The following B4GALNT2 variants were observed in gnomAD, a reference collection of about 807,000 sequenced individuals.
The protein encoded by B4GALNT2 is N-acetylneuraminylgalactosylglucosyl-glucoside beta-1,4-N- acetylgalactosaminyltransferase 2.
In B4GALNT2, 42 loss-of-function variants were observed where a neutral mutation model predicts 51.1. That is an observed-to-expected ratio of 0.82 (90% CI 0.64 to 1.06). The LOEUF (loss-of-function observed/expected upper bound fraction) is 1.06. B4GALNT2 is among the 50% of genes least tolerant of loss of function. The pLI, the probability that B4GALNT2 is intolerant of heterozygous loss-of-function variation, is 0.00. For synonymous variants in B4GALNT2, 253 were observed against 251.7 expected (o/e 1.01, Z -0.05); for missense variants, 602 against 633.6 (o/e 0.95, Z 0.54).
At chr17:49,150,333 G>C (rs969536258) in intron 3 of B4GALNT2, among the ~76,000 whole-genome samples, 2 of 151,538 alleles carry the variant, frequency 1.3e-5, no homozygotes, top group Non-Finnish European at 2.9e-5. Flanking sequence ...CAGCAGCCCC[G>C]TCCGGGAGGT....
rs1282054965 is a variant in B4GALNT2 at position 49,170,707 on chromosome 17, C to G, written c.*979C>G. On this transcript the variant is annotated 3_prime_UTR_variant, in exon 11 of 11. Coordinates refer to ENST00000393354, the MANE Select transcript of B4GALNT2 (RefSeq NM_001159387.2). ...TGGTGCTAGAGGAATTAAAGACACACACATAGAAATATAGAGTGTGGAGTG... is the reference window on the plus strand; with the variant it reads ...TGGTGCTAGAGGAATTAAAGACACAGACATAGAAATATAGAGTGTGGAGTG... 1.3e-5 allele frequency: 2 copies of G among 152,218 alleles called. No homozygotes were observed. Among genetic ancestry groups the G allele is most frequent in the African/African-American group, 4.8e-5 (2 of 41,450 alleles). 9.4% of individuals were successfully genotyped at this position (152,218 alleles called of 1,614,324 possible).
intron 9 of B4GALNT2, among the ~76,000 whole-genome samples, chr17:49,166,813 C>T (rs1267085159): frequency 6.6e-6 from 1 of 151,810 alleles, no homozygotes; most frequent in Non-Finnish European, 1.5e-5. Context: ...TAAAGAAATA[C>T]AAAAAATTAG....
chr17:49,156,660 C>A, intron 5 of B4GALNT2, 57 bp downstream of exon 5: 1 of 1,577,208 alleles, frequency 6.3e-7, no homozygotes, highest in Non-Finnish European at 8.7e-7. Context: ...ATTCCCTCAA[C>A]TGTGGCTGCT....
rs748550373 is a variant in B4GALNT2 at position 49,142,044 on chromosome 17, G to T, written c.225G>T (p.Pro75=). ...CTCTTGCTTGTTTCAGGCTGTTCCCGAAAAATCAGTGCAAATGTGAAGCCA... is the reference window on the plus strand; with the variant it reads ...CTCTTGCTTGTTTCAGGCTGTTCCCTAAAAATCAGTGCAAATGTGAAGCCA... ...LFSYDGIWLF[P]KNQCKCEANK... is the part of the protein sequence containing the mutation. Residue 75 remains proline (P), a synonymous_variant, in exon 3 of 11, where the codon CCG becomes CCT. Coordinates refer to ENST00000393354, the MANE Select transcript of B4GALNT2 (RefSeq NM_001159387.2). 1.9e-6 allele frequency: 3 copies of T among 1,613,906 alleles called. No homozygotes were observed. The highest frequency in any genetic ancestry group is 2.7e-5 in the African/African-American group (2 of 74,890).
chr17:49,126,381 C>G, the B4GALNT2 span, among the ~76,000 whole-genome samples: 1 of 151,952 alleles, frequency 6.6e-6, no homozygotes, highest in African/African-American at 2.4e-5. Context: ...GCAGGGTGCT[C>G]TGCCTAGGAA....
In B4GALNT2 at chr17:49,169,605, G is replaced by C; in HGVS notation, c.1398G>C (p.Val466=). 6.2e-7 allele frequency: 1 copy of C among 1,613,300 alleles called. No individual in the cohort carries two copies. The highest frequency in any genetic ancestry group is 8.5e-7 in the Non-Finnish European group (1 of 1,179,984). The change falls in exon 11 of 11, where the codon GTG becomes GTC. Residue 466 remains valine, a synonymous_variant. Coordinates refer to ENST00000393354, the MANE Select transcript of B4GALNT2 (RefSeq NM_001159387.2). ...VIIGHQSRSP[V]VDSELAALEK... ...TAGGTCACCAGTCTCGGTCTCCAGT[G>C]GTGGACTCAGAACTGGCTGCCCTAG...
intron 4 of B4GALNT2, among the ~76,000 whole-genome samples, chr17:49,153,872 T>C (rs2042782865): frequency 2.0e-5 from 3 of 152,028 alleles, no homozygotes; most frequent in Admixed American, 6.6e-5. Flanking sequence ...TTAGTAGCCA[T>C]GACCTCCTGG....
upstream of B4GALNT2, among the ~76,000 whole-genome samples, chr17:49,131,494 G>A (rs1487365767): frequency 2.3e-5 from 3 of 133,248 alleles, no homozygotes; most frequent in Non-Finnish European, 4.8e-5. Flanking sequence ...AAAAGCACTG[G>A]CCATTTTTCT....
At chr17:49,137,454 C>G (rs2042601177) in intron 1 of B4GALNT2, among the ~76,000 whole-genome samples, 1 of 152,134 alleles carries the variant, frequency 6.6e-6, no homozygotes, top group Non-Finnish European at 1.5e-5. Flanking sequence ...CACCTTCCAC[C>G]ATGGGATGAT....
intron 9 of B4GALNT2, 88 bp downstream of exon 9, chr17:49,166,342 A>G: frequency 6.4e-6 from 1 of 156,590 alleles, no homozygotes; most frequent in South Asian, 1.5e-4. Context: ...ATATAAGAGA[A>G]GAGGAGGGGG....
chr17:49,144,018 G>A (rs1478393910), intron 3 of B4GALNT2, among the ~76,000 whole-genome samples: 1 of 152,144 alleles, frequency 6.6e-6, no homozygotes, highest in African/African-American at 2.4e-5. Context: ...CTGTGGTGGT[G>A]AGTGCCTGTA....
At chr17:49,164,427 C>A in intron 8 of B4GALNT2, 152 bp downstream of exon 8, 1 of 626,814 alleles carries the variant, frequency 1.6e-6, no homozygotes, top group East Asian at 2.7e-5. Context: ...CTCTGAGTCC[C>A]ATTGCTGATT....
At chr17:49,152,150 G>A (rs1287849351) in intron 3 of B4GALNT2, among the ~76,000 whole-genome samples, 1 of 152,160 alleles carries the variant, frequency 6.6e-6, no homozygotes, top group Admixed American at 6.5e-5. Context: ...GCTGAGGCAG[G>A]AGGATTGCTT....
intron 8 of B4GALNT2, 108 bp from the exon 9 acceptor site, chr17:49,166,006 A>G: frequency 2.4e-6 from 3 of 1,273,846 alleles, no homozygotes; most frequent in Non-Finnish European, 3.2e-6. Flanking sequence ...TTCTAATGGA[A>G]TTTGTCTGGA....
chr17:49,168,970 G>A, intron 10 of B4GALNT2, 70 bp downstream of exon 10: 17 of 1,475,974 alleles, frequency 1.2e-5, no homozygotes, highest in Non-Finnish European at 1.6e-5. Flanking sequence ...TTCTTTCCAA[G>A]GGCTGTACCC....
chr17:49,133,913 A>AAAAC (rs759093006), intron 1 of B4GALNT2, among the ~76,000 whole-genome samples: 12 of 151,614 alleles, frequency 7.9e-5, no homozygotes, highest in Middle Eastern at 3.4e-3. Flanking sequence ...CTCTGTCTCA[A>AAAAC]AAACAAACAA....
chr17:49,152,075 TA>T (rs1395508316), intron 3 of B4GALNT2, among the ~76,000 whole-genome samples: 3 of 151,860 alleles, frequency 2.0e-5, no homozygotes, highest in Admixed American at 1.3e-4. Flanking sequence ...TGGTTTTTTT[TA>T]AAAAAAATAT....
the B4GALNT2 span, among the ~76,000 whole-genome samples, chr17:49,125,719 C>A: frequency 0.45 from 48,814 of 109,590 alleles, 10,951 homozygotes; most frequent in Middle Eastern, 0.59. Context: ...CGGCCCCCGC[C>A]GGGCCGGCCG....
chr17:49,121,705 G>T, the B4GALNT2 span, among the ~76,000 whole-genome samples: 1 of 152,146 alleles, frequency 6.6e-6, no homozygotes, highest in Non-Finnish European at 1.5e-5. Flanking sequence ...TGTAACAGTA[G>T]TAAAATGGAC....
Sources: allele counts gnomAD v4.1 joint callset (sites outside exome capture counted in the v4.1 genomes callset), GRCh38; gene constraint gnomAD v4.1.1; transcripts MANE v1.5; gene names NCBI Gene and HGNC (gene_info 2026-07-23, HGNC 2026-07-21).